RYR2: variants seen among roughly 807,000 people sequenced by gnomAD.
RYR2 encodes ryanodine receptor 2.
A neutral mutation model predicts 601.1 loss-of-function variants in RYR2; 227 were observed. That is an observed-to-expected ratio of 0.38 (90% CI 0.34 to 0.42). The LOEUF (loss-of-function observed/expected upper bound fraction) is 0.42. Ranked by LOEUF, RYR2 falls within the 10% of genes least tolerant of loss-of-function variation. The probability of loss-of-function intolerance (pLI) is 1.00; values close to 1 mark genes in which losing one functional copy is unlikely to be tolerated. For missense variants in RYR2, 4,646 were observed against 6,156.5 expected (o/e 0.75, Z 8.21); for synonymous variants, 2,223 against 2,175.1 (o/e 1.02, Z -0.61).
chr1:237,317,041 T>C (rs918238), intron 2 of RYR2, among the ~76,000 whole-genome samples: 10,917 of 152,186 alleles, frequency 0.072, 811 homozygotes, highest in African/African-American at 0.19. Flanking sequence ...CCTCCCCACC[T>C]CCACAAAAGG....
chr1:237,269,937 C>T (rs1202211230), intron 1 of RYR2, among the ~76,000 whole-genome samples: 1 of 152,216 alleles, frequency 6.6e-6, no homozygotes, highest in African/African-American at 2.4e-5. Context: ...TCTCTCCATA[C>T]ATTTTTAAGC....
chr1:237,371,073 G>T (rs1174642080), intron 6 of RYR2, among the ~76,000 whole-genome samples: 1 of 151,172 alleles, frequency 6.6e-6, no homozygotes, highest in East Asian at 1.9e-4. Flanking sequence ...AACTGTTGGA[G>T]GCTTTTAAAA....
At chr1:237,675,834 A>G (rs1685345672) in intron 60 of RYR2, among the ~76,000 whole-genome samples, 1 of 152,160 alleles carries the variant, frequency 6.6e-6, no homozygotes. Context: ...CATCTTTCTC[A>G]TAAACAATTG....
At chr1:237,742,019 A>T in intron 79 of RYR2, among the ~76,000 whole-genome samples, 1 of 152,362 alleles carries the variant, frequency 6.6e-6, no homozygotes, top group Admixed American at 6.5e-5. Context: ...AAATGTATGA[A>T]TAAGTAGCGG....
intron 11 of RYR2, among the ~76,000 whole-genome samples, chr1:237,422,124 T>C (rs969779618): frequency 6.6e-6 from 1 of 152,204 alleles, no homozygotes; most frequent in Non-Finnish European, 1.5e-5. Context: ...CTCTGCACCT[T>C]AGCATGGTTA....
In RYR2 at chr1:237,636,754, C is replaced by T. The variant is rs1311356412; in HGVS notation, c.6793-1603C>T. Among the ~76,000 whole-genome samples, 4 of 152,212 alleles carry T rather than the reference C, an allele frequency of 2.6e-5. No homozygotes were observed. The East Asian group carries it at 7.7e-4, about 29-fold the overall frequency. On this transcript the variant is annotated intron_variant, in intron 44 of 104. Coordinates refer to ENST00000366574, the MANE Select transcript of RYR2 (RefSeq NM_001035.3). ...GAATGTTTCTAACAGCTTTATTCGTCATAGCCAAAAAGTGCAAACAACTTG... is the reference window on the plus strand; with the variant it reads ...GAATGTTTCTAACAGCTTTATTCGTTATAGCCAAAAAGTGCAAACAACTTG...
At chr1:237,300,795 A>C (rs1404540965) in intron 2 of RYR2, among the ~76,000 whole-genome samples, 1 of 152,216 alleles carries the variant, frequency 6.6e-6, no homozygotes, top group South Asian at 2.1e-4. Context: ...AATACGTCCG[A>C]GTTTGCTAGG....
At chr1:237,465,308 A>T (rs543152638) in intron 16 of RYR2, among the ~76,000 whole-genome samples, 3 of 152,298 alleles carry the variant, frequency 2.0e-5, no homozygotes, top group African/African-American at 7.2e-5. Context: ...GCTAAATTTG[A>T]TTTATAAATA....
intron 16 of RYR2, among the ~76,000 whole-genome samples, chr1:237,463,538 A>T (rs1486643149): frequency 6.6e-6 from 1 of 152,128 alleles, no homozygotes; most frequent in Non-Finnish European, 1.5e-5. Context: ...GAATGATTAA[A>T]TTCATAGAAT....
At chr1:237,056,031 C>T (rs1010394102) in intron 1 of RYR2, among the ~76,000 whole-genome samples, 2 of 150,806 alleles carry the variant, frequency 1.3e-5, no homozygotes, top group East Asian at 2.0e-4. Flanking sequence ...GACTGGAGCA[C>T]TGCACCTGTG....
chr1:237,321,046 ATATGACCTTGTGGAAGGCAGTCTGG>A (rs1306109583), intron 2 of RYR2, among the ~76,000 whole-genome samples: 1 of 151,954 alleles, frequency 6.6e-6, no homozygotes, highest in Non-Finnish European at 1.5e-5. Flanking sequence ...AGGCAGGCTG[ATATGACCTTGTGGAAGGCAGTCTGG>A]TATGAGTTTT....
chr1:237,314,879 G>A (rs188225783), intron 2 of RYR2, among the ~76,000 whole-genome samples: 118 of 152,214 alleles, frequency 7.8e-4, no homozygotes, highest in African/African-American at 2.7e-3. Flanking sequence ...CATAAATTGT[G>A]GCACAATGAA....
intron 28 of RYR2, among the ~76,000 whole-genome samples, chr1:237,568,657 G>C (rs1672344349): frequency 6.6e-6 from 1 of 152,044 alleles, no homozygotes; most frequent in Non-Finnish European, 1.5e-5. Context: ...TGTGCCATCG[G>C]TTCTAAGGAA....
chr1:237,272,263 T>G (rs1323144131), intron 2 of RYR2, among the ~76,000 whole-genome samples: 1 of 151,590 alleles, frequency 6.6e-6, no homozygotes, highest in Non-Finnish European at 1.5e-5. Context: ...CAGGTCAAAG[T>G]CCTCCTCTGA....
intron 3 of RYR2, among the ~76,000 whole-genome samples, chr1:237,351,670 A>C (rs1156879206): frequency 6.6e-6 from 1 of 151,986 alleles, no homozygotes; most frequent in South Asian, 2.1e-4. Flanking sequence ...TATATTTATT[A>C]AATGAAATGA....
chr1:237,713,975 A>G (rs1158803282), intron 71 of RYR2, among the ~76,000 whole-genome samples: 1 of 151,130 alleles, frequency 6.6e-6, no homozygotes, highest in Non-Finnish European at 1.5e-5. Flanking sequence ...TCATTGTGGG[A>G]ATATTAGAAA....
intron 49 of RYR2, among the ~76,000 whole-genome samples, chr1:237,649,472 A>C (rs567410033): frequency 3.1e-4 from 47 of 152,334 alleles, no homozygotes; most frequent in African/African-American, 1.1e-3. Context: ...AAATATGAAT[A>C]ATAAAGAGAA....
intron 75 of RYR2, among the ~76,000 whole-genome samples, chr1:237,726,768 A>G (rs1690237426): frequency 6.6e-6 from 1 of 152,122 alleles, no homozygotes; most frequent in South Asian, 2.1e-4. Flanking sequence ...ATGATTTTAT[A>G]TGGAATGATT....
Position 237,667,595 on chromosome 1 carries a change from G to T in RYR2, c.8515-288G>T, listed in dbSNP as rs6657332. On this transcript the variant is annotated intron_variant, in intron 57 of 104. Transcript: ENST00000366574. ...AAACAAGAACTTGTAAATACAAATAGTTTTTCTGAAGTCCATAGCTATTTT... is the reference window on the plus strand; with the variant it reads ...AAACAAGAACTTGTAAATACAAATATTTTTTCTGAAGTCCATAGCTATTTT... Among the ~76,000 whole-genome samples the T allele has an allele frequency of 0.44, 67,358 of 151,960 alleles. 15,411 individuals carry two copies. The highest frequency in any genetic ancestry group is 0.55 in the African/African-American group (22,863 of 41,424).
Sources: allele counts gnomAD v4.1 joint callset (sites outside exome capture counted in the v4.1 genomes callset), GRCh38; gene constraint gnomAD v4.1.1; transcripts MANE v1.5; gene names NCBI Gene and HGNC (gene_info 2026-07-23, HGNC 2026-07-21).